ART3: variants seen among roughly 807,000 people sequenced by gnomAD.
ART3 encodes the protein ADP-ribosyltransferase 3 (inactive), also known as ecto-ADP-ribosyltransferase 3.
In ART3, 49 loss-of-function variants were observed where a neutral mutation model predicts 48.5. That is an observed-to-expected ratio of 1.01 (90% CI 0.80 to 1.28). The LOEUF is 1.28. Ranked by LOEUF, ART3 falls within the 50% of genes most tolerant of loss-of-function variation. The pLI is 0.00. For missense variants in ART3, 438 were observed against 454.3 expected (o/e 0.96, Z 0.33); for synonymous variants, 145 against 157.2 (o/e 0.92, Z 0.58).
intron 1 of ART3, among the ~76,000 whole-genome samples, chr4:76,015,966 T>C (rs1326775406): frequency 6.6e-6 from 1 of 152,196 alleles, no homozygotes; most frequent in Non-Finnish European, 1.5e-5. Context: ...TAGTATTTTA[T>C]TGAGGATTTT....
chr4:76,049,940 G>A (rs1327319372), intron 1 of ART3, among the ~76,000 whole-genome samples: 2 of 151,772 alleles, frequency 1.3e-5, no homozygotes, highest in Non-Finnish European at 2.9e-5. Flanking sequence ...TCCTTCTGGT[G>A]GGTTCGTGGT....
intron 1 of ART3, among the ~76,000 whole-genome samples, chr4:76,052,395 C>T (rs529057472): frequency 1.1e-4 from 16 of 152,274 alleles, no homozygotes; most frequent in African/African-American, 3.1e-4. Flanking sequence ...CAGTGACTAC[C>T]GTATCACCAT....
At chr4:76,034,655 A>T (rs945668264) in intron 1 of ART3, 5 of 736,520 alleles carry the variant, frequency 6.8e-6, no homozygotes, top group Non-Finnish European at 1.1e-5. Flanking sequence ...ACATAACTGT[A>T]CAAAAGTTGA....
intron 3 of ART3, among the ~76,000 whole-genome samples, chr4:76,086,892 A>G (rs1256634910): frequency 6.6e-6 from 1 of 152,166 alleles, no homozygotes; most frequent in Non-Finnish European, 1.5e-5. Context: ...AATTGGCCAT[A>G]GTTTAGAGTT....
chr4:76,067,737 G>A (rs921207456), intron 1 of ART3, among the ~76,000 whole-genome samples: 2 of 152,224 alleles, frequency 1.3e-5, no homozygotes, highest in Non-Finnish European at 2.9e-5. Flanking sequence ...TTAAAATTTA[G>A]TCACTTCAAA....
intron 3 of ART3, among the ~76,000 whole-genome samples, chr4:76,086,541 G>A (rs1645063176): frequency 6.6e-6 from 1 of 152,178 alleles, no homozygotes; most frequent in Non-Finnish European, 1.5e-5. Context: ...GAGATCTAAT[G>A]TGTAACATGA....
rs140110202 is a variant in ART3, at chr4:76,100,990, G to A, written c.908G>A (p.Gly303Asp). ...TGATAAGCTTCTTTTTGTAACTCAG[G>A]TGAGAAAAACCAGAAGCTTGAAGAC... is the stretch of plus-strand genomic sequence containing the variant. ...SEKNWKLEDH[G>D]EKNQKLEDHG... The change falls in exon 8 of 12, where the codon GGT (glycine) becomes GAT (aspartate). Residue 303 changes from glycine (G) to aspartate (D), a missense_variant and splice_region_variant. Gly to Asp is a moderately conservative substitution (Grantham distance 94). Around this residue, in one of 3 missense-constraint regions of ART3, gnomAD observed 227 missense variants for 229.6 expected, o/e 0.99. Transcript: ENST00000355810. 4.5e-5 allele frequency: 73 copies of A among 1,613,390 alleles called. No homozygotes were observed. The African/African-American group carries it at 8.9e-4, about 20-fold the overall frequency.
intron 1 of ART3, among the ~76,000 whole-genome samples, chr4:76,062,519 A>G (rs1719321479): frequency 6.6e-6 from 1 of 151,510 alleles, no homozygotes; most frequent in South Asian, 2.1e-4. Flanking sequence ...AGATTTAAAC[A>G]TCTCAGAGCA....
chr4:76,078,632 C>T (rs140294631), intron 2 of ART3, among the ~76,000 whole-genome samples: 1 of 143,380 alleles, frequency 7.0e-6, no homozygotes, highest in Non-Finnish European at 1.5e-5. Flanking sequence ...ACAATTCCCT[C>T]GTTTGTAAAA....
intron 1 of ART3, among the ~76,000 whole-genome samples, chr4:76,051,249 G>C (rs13111790): frequency 0.59 from 89,085 of 152,006 alleles, 26,968 homozygotes; most frequent in East Asian, 0.94. Context: ...ACCTGATGCT[G>C]TTTTTTAGAG....
At chr4:76,024,313 A>G (rs1041116278) in intron 1 of ART3, among the ~76,000 whole-genome samples, 5 of 152,156 alleles carry the variant, frequency 3.3e-5, no homozygotes, top group African/African-American at 1.2e-4. Context: ...GCACGCATAG[A>G]GACAGACCTT....
At chr4:76,048,380 T>A (rs1578316957) in intron 1 of ART3, among the ~76,000 whole-genome samples, 1 of 151,892 alleles carries the variant, frequency 6.6e-6, no homozygotes, top group East Asian at 1.9e-4. Flanking sequence ...TAGAAAAAAA[T>A]GAGCCATCTC....
intron 2 of ART3, among the ~76,000 whole-genome samples, chr4:76,079,544 A>T (rs549615255): frequency 6.6e-6 from 1 of 152,344 alleles, no homozygotes; most frequent in African/African-American, 2.4e-5. Flanking sequence ...AAGCATGTAT[A>T]TAACTGCCTG....
intron 1 of ART3, among the ~76,000 whole-genome samples, chr4:76,055,055 G>A (rs1470784869): frequency 6.6e-6 from 1 of 152,164 alleles, no homozygotes; most frequent in Non-Finnish European, 1.5e-5. Flanking sequence ...GATTACAGGC[G>A]TGAGCCACAA....
Position 76,095,262 on chromosome 4 carries a change from C to CT in ART3, c.782-2379dup, listed in dbSNP as rs199942463. Among the ~76,000 whole-genome samples, 1,375 of 152,264 alleles carry CT rather than the reference C, an allele frequency of 9.0e-3. 7 individuals are homozygous for CT. Among genetic ancestry groups the CT allele is most frequent in the Non-Finnish European group, 0.015 (989 of 68,016 alleles). ...GTGGCTCATGCTTGTAATCTCAGCA[C>CT]TTTAGGAGGATGAGGCAGGTGGATC... On this transcript the variant is annotated intron_variant, in intron 3 of 11. Coordinates refer to ENST00000355810, the MANE Select transcript of ART3 (RefSeq NM_001130016.3).
At chr4:76,091,511 A>G (rs1724883301) in intron 3 of ART3, among the ~76,000 whole-genome samples, 1 of 152,166 alleles carries the variant, frequency 6.6e-6, no homozygotes, top group African/African-American at 2.4e-5. Flanking sequence ...ATCTTTTCAC[A>G]TACTTATTTG....
At chr4:76,033,141 CT>C (rs1734032799) in intron 1 of ART3, among the ~76,000 whole-genome samples, 1 of 151,970 alleles carries the variant, frequency 6.6e-6, no homozygotes, top group Non-Finnish European at 1.5e-5. Context: ...CTCTGGCTAT[CT>C]TAAGGAGAAA....
At chr4:76,067,853 C>T (rs1002259687) in intron 1 of ART3, among the ~76,000 whole-genome samples, 1 of 152,218 alleles carries the variant, frequency 6.6e-6, no homozygotes, top group Non-Finnish European at 1.5e-5. Context: ...TGACCTCTAG[C>T]GGTCATTGGC....
intron 1 of ART3, among the ~76,000 whole-genome samples, chr4:76,039,536 A>G (rs775804449): frequency 2.0e-5 from 3 of 152,232 alleles, no homozygotes; most frequent in Non-Finnish European, 4.4e-5. Flanking sequence ...TGACATTGTT[A>G]TAGCATATAA....
Sources: allele counts gnomAD v4.1 joint callset (sites outside exome capture counted in the v4.1 genomes callset), GRCh38; gene constraint gnomAD v4.1.1; regional missense constraint gnomAD v4.1.1; transcripts MANE v1.5; gene names NCBI Gene and HGNC (gene_info 2026-07-23, HGNC 2026-07-21).